AGMO: variants seen among roughly 807,000 people sequenced by gnomAD.
The protein encoded by AGMO is alkylglycerol monooxygenase.
AGMO carries 75 observed loss-of-function variants against 60.2 expected under a neutral mutation model. The ratio of observed to expected loss-of-function variants is 1.25; its 90% CI spans 1.03 to 1.51. The LOEUF (loss-of-function observed/expected upper bound fraction) is 1.51. Among genes scored for constraint, AGMO ranks in the 40% most tolerant of loss-of-function variants. The probability of loss-of-function intolerance (pLI) is 0.00; values close to 1 mark genes in which losing one functional copy is unlikely to be tolerated. For missense variants in AGMO, 763 were observed against 525.5 expected (o/e 1.45, Z -4.42); for synonymous variants, 261 against 177.1 (o/e 1.47, Z -3.76).
intron 12 of AGMO, among the ~76,000 whole-genome samples, chr7:15,331,733 C>T (rs937189960): frequency 9.2e-5 from 14 of 152,044 alleles, no homozygotes; most frequent in African/African-American, 3.1e-4. Context: ...TTGAGTCCAA[C>T]CTGACCAATG....
chr7:15,137,014 A>G, the AGMO span, among the ~76,000 whole-genome samples: 1 of 152,206 alleles, frequency 6.6e-6, no homozygotes, highest in East Asian at 1.9e-4. Context: ...CCAATAAGAT[A>G]TTCCAGAGAT....
intron 12 of AGMO, among the ~76,000 whole-genome samples, chr7:15,289,524 A>T (rs1418035829): frequency 1.3e-5 from 2 of 151,846 alleles, no homozygotes; most frequent in African/African-American, 2.4e-5. Context: ...TGGCTCACCA[A>T]GTATATATTA....
chr7:15,480,250 C>T (rs949440804), intron 3 of AGMO, among the ~76,000 whole-genome samples: 3 of 152,014 alleles, frequency 2.0e-5, no homozygotes, highest in African/African-American at 4.8e-5. Flanking sequence ...GCTTCAGTTA[C>T]GTGGAAGAAA....
At chr7:15,119,166 A>G in the AGMO span, among the ~76,000 whole-genome samples, 1 of 151,738 alleles carries the variant, frequency 6.6e-6, no homozygotes, top group Non-Finnish European at 1.5e-5. Context: ...TCTCATGTTG[A>G]AATGTAATCC....
intron 12 of AGMO, among the ~76,000 whole-genome samples, chr7:15,284,879 C>A (rs1784060884): frequency 6.6e-6 from 1 of 151,974 alleles, no homozygotes; most frequent in East Asian, 1.9e-4. Flanking sequence ...GATAATAAAT[C>A]ATGATCAAGT....
At chr7:15,432,298 T>C (rs1354280774) in intron 3 of AGMO, among the ~76,000 whole-genome samples, 1 of 145,504 alleles carries the variant, frequency 6.9e-6, no homozygotes, top group Non-Finnish European at 1.5e-5. Flanking sequence ...TTTATGAAAA[T>C]CATGGTCATA....
At chr7:15,544,319 G>A (rs1240487095) in intron 3 of AGMO, among the ~76,000 whole-genome samples, 1 of 151,958 alleles carries the variant, frequency 6.6e-6, no homozygotes, top group Non-Finnish European at 1.5e-5. Context: ...CAAAACTGAA[G>A]AACTTATTCA....
At chr7:15,548,936 A>C (rs1358084289) in intron 2 of AGMO, among the ~76,000 whole-genome samples, 2 of 150,944 alleles carry the variant, frequency 1.3e-5, no homozygotes, top group African/African-American at 4.9e-5. Flanking sequence ...GTTACCCTCA[A>C]AGGGAAGCCC....
intron 12 of AGMO, among the ~76,000 whole-genome samples, chr7:15,352,452 T>G (rs969305273): frequency 8.6e-5 from 13 of 151,926 alleles, no homozygotes; most frequent in Non-Finnish European, 1.5e-4. Flanking sequence ...AGTATGTTTT[T>G]TTTTTTTTTT....
chr7:15,400,701 T>TA (rs1364224439), intron 5 of AGMO, among the ~76,000 whole-genome samples: 2 of 152,012 alleles, frequency 1.3e-5, no homozygotes, highest in Non-Finnish European at 2.9e-5. Flanking sequence ...GATAAAAAGC[T>TA]AAAATGAAGG....
intron 4 of AGMO, among the ~76,000 whole-genome samples, chr7:15,428,284 A>C (rs183443715): frequency 1.3e-4 from 20 of 152,168 alleles, no homozygotes; most frequent in South Asian, 2.1e-4. Flanking sequence ...GGGACCTAGA[A>C]ATGCTAGGTA....
chr7:15,286,659 G>T (rs1002392132), intron 12 of AGMO, among the ~76,000 whole-genome samples: 5 of 152,094 alleles, frequency 3.3e-5, no homozygotes, highest in African/African-American at 1.2e-4. Flanking sequence ...AAGGAAAACA[G>T]TATGGAGATT....
At chr7:15,120,772 C>CT in the AGMO span, among the ~76,000 whole-genome samples, 1 of 151,618 alleles carries the variant, frequency 6.6e-6, no homozygotes, top group South Asian at 2.1e-4. Flanking sequence ...TCTTTTTTTT[C>CT]TTTTTTTGAA....
chr7:15,197,574 ATAAC>A (rs374081424), downstream of AGMO, among the ~76,000 whole-genome samples: 5 of 152,360 alleles, frequency 3.3e-5, no homozygotes, highest in East Asian at 5.8e-4. Context: ...AGTAAATGGC[ATAAC>A]TAATAGAGCT....
Position 15,354,496 on chromosome 7 carries a change from GTATATATATATATATATATATATATA to G in AGMO, c.1263+10992_1263+11017del, listed in dbSNP as rs60044874. 3.2e-4 allele frequency among the ~76,000 whole-genome samples: 6 copies of G among 18,800 alleles called. 1 individual carries two copies. The highest frequency in any genetic ancestry group is 2.8e-4 in the Non-Finnish European group (3 of 10,836). The allele number at this position is 18,800 out of a possible 152,430, so 12.3% of individuals were successfully genotyped here. On this transcript the variant is annotated intron_variant, in intron 12 of 12. Transcript: ENST00000342526. Reference sequence around the variant, plus strand: ...TACACACGTGTGTATATACACACGTGTATATATATATATATATATATATATATATATATATATATATATAGCTCCCC... The same window carrying G: ...TACACACGTGTGTATATACACACGTGTATATATATATATATATAGCTCCCC...
At chr7:15,458,600 A>G (rs1782055399) in intron 3 of AGMO, among the ~76,000 whole-genome samples, 1 of 152,218 alleles carries the variant, frequency 6.6e-6, no homozygotes, top group African/African-American at 2.4e-5. Context: ...TTTGCTAGAC[A>G]GTATTAAACA....
intron 12 of AGMO, among the ~76,000 whole-genome samples, chr7:15,278,430 A>G (rs1783860840): frequency 6.6e-6 from 1 of 152,030 alleles, no homozygotes; most frequent in Non-Finnish European, 1.5e-5. Flanking sequence ...TGAGTCCTCA[A>G]GGGACTGGAC....
At position 15,292,879 on chromosome 7, in the gene AGMO, T is replaced by G. The variant is rs1784312976; in HGVS notation, c.1263+72635A>C. ...TTCAAGTGATTCTCCTGCCTCAACC[T>G]ACCGAGTAGCTGGGATTACAAGCAC... is the stretch of plus-strand genomic sequence containing the variant. On this transcript the variant is annotated intron_variant, in intron 12 of 12. Transcript: ENST00000342526. Among the ~76,000 whole-genome samples, 3 of 147,094 alleles carry G rather than the reference T, an allele frequency of 2.0e-5. No individual in the cohort carries two copies. The South Asian group carries it at 6.8e-4, about 33-fold the overall frequency.
At chr7:15,143,553 A>T in the AGMO span, among the ~76,000 whole-genome samples, 1 of 152,232 alleles carries the variant, frequency 6.6e-6, no homozygotes, top group Non-Finnish European at 1.5e-5. Flanking sequence ...AATAATAAGT[A>T]AATATTTACA....
Sources: allele counts gnomAD v4.1 joint callset (sites outside exome capture counted in the v4.1 genomes callset), GRCh38; gene constraint gnomAD v4.1.1; transcripts MANE v1.5; gene names NCBI Gene and HGNC (gene_info 2026-07-23, HGNC 2026-07-21).